The following MDGA2 variants were observed in gnomAD, a reference collection of about 807,000 sequenced individuals.
MDGA2 encodes the protein MAM domain containing glycosylphosphatidylinositol anchor 2.
Under a neutral mutation model 117.8 loss-of-function variants are expected in MDGA2, and 40 were observed. The ratio of observed to expected loss-of-function variants is 0.34; its 90% CI spans 0.26 to 0.44. MDGA2 has a LOEUF of 0.44. MDGA2 is among the 20% of genes least tolerant of loss of function. MDGA2 has a pLI of 1.00. For synonymous variants in MDGA2, 452 were observed against 439.0 expected (o/e 1.03, Z -0.37); for missense variants, 1,123 against 1,250.6 (o/e 0.90, Z 1.54).
chr14:47,438,672 A>G (rs570121027), intron 1 of MDGA2, among the ~76,000 whole-genome samples: 51 of 152,272 alleles, frequency 3.3e-4, no homozygotes, highest in Admixed American at 5.2e-4. Flanking sequence ...AAATGTCAGC[A>G]ATGCAAAAAG....
chr14:46,893,011 C>T (rs117000924), intron 10 of MDGA2, among the ~76,000 whole-genome samples: 1 of 151,840 alleles, frequency 6.6e-6, no homozygotes, highest in Non-Finnish European at 1.5e-5. Flanking sequence ...TAGATACCTA[C>T]CCAGAAGAAA....
rs538786860 is a variant in MDGA2 at position 47,643,104 on chromosome 14, A to G, written c.280+31413T>C. 7.2e-5 allele frequency among the ~76,000 whole-genome samples: 11 copies of G among 152,238 alleles called. 2 individuals are homozygous for G. The highest frequency in any genetic ancestry group is 2.4e-4 in the African/African-American group (10 of 41,578). On this transcript the variant is annotated intron_variant, in intron 1 of 16. Coordinates refer to ENST00000399232, the MANE Select transcript of MDGA2 (RefSeq NM_001113498.3). ...CTGTTGTTATTCTGGATAAATCACA[A>G]TGATTATATTCCTTCCTTATACTAA...
chr14:47,293,287 A>C (rs1043118013), intron 2 of MDGA2, among the ~76,000 whole-genome samples: 1 of 152,166 alleles, frequency 6.6e-6, no homozygotes, highest in Non-Finnish European at 1.5e-5. Context: ...AGTCCTCATG[A>C]TGTTTAAATT....
At chr14:47,222,578 T>TA (rs1317151812) in intron 2 of MDGA2, among the ~76,000 whole-genome samples, 3 of 151,896 alleles carry the variant, frequency 2.0e-5, no homozygotes, top group Non-Finnish European at 2.9e-5. Context: ...CAGGACAAAC[T>TA]AAAAAAATAC....
At chr14:47,666,614 C>A (rs548179315) in intron 1 of MDGA2, among the ~76,000 whole-genome samples, 1 of 152,130 alleles carries the variant, frequency 6.6e-6, no homozygotes, top group African/African-American at 2.4e-5. Flanking sequence ...ACAGACCAAT[C>A]GGCTCTCTGT....
chr14:47,044,278 A>C (rs1031817453), intron 7 of MDGA2, among the ~76,000 whole-genome samples: 1 of 152,174 alleles, frequency 6.6e-6, no homozygotes, highest in Non-Finnish European at 1.5e-5. Flanking sequence ...CCAAAAAACA[A>C]TAGATTTTTA....
chr14:46,975,789 A>C (rs561009075), intron 8 of MDGA2, among the ~76,000 whole-genome samples: 255 of 152,210 alleles, frequency 1.7e-3, no homozygotes, highest in African/African-American at 5.7e-3. Context: ...AGGGAAGTTC[A>C]AGATCAGGAA....
At chr14:47,456,112 A>G (rs1001932202) in intron 1 of MDGA2, among the ~76,000 whole-genome samples, 2 of 152,156 alleles carry the variant, frequency 1.3e-5, no homozygotes, top group Non-Finnish European at 2.9e-5. Context: ...AGTTTGTAAC[A>G]AGCATTGTAA....
At chr14:46,904,357 C>CA (rs5808366) in intron 10 of MDGA2, among the ~76,000 whole-genome samples, 1,387 of 73,120 alleles carry the variant, frequency 0.019, 16 homozygotes, top group East Asian at 0.047. Context: ...GACTCTGTCT[C>CA]AAAAAAAAAA....
At chr14:47,092,288 T>G (rs1044430232) in intron 6 of MDGA2, among the ~76,000 whole-genome samples, 1 of 152,168 alleles carries the variant, frequency 6.6e-6, no homozygotes, top group African/African-American at 2.4e-5. Flanking sequence ...AAAATTCCTC[T>G]AATCCTTCTA....
At chr14:47,449,372 C>A (rs548397005) in intron 1 of MDGA2, among the ~76,000 whole-genome samples, 1 of 152,218 alleles carries the variant, frequency 6.6e-6, no homozygotes, top group Non-Finnish European at 1.5e-5. Flanking sequence ...ATTAGACTCA[C>A]CTCTACTATA....
At chr14:47,108,408 G>C (rs905594210) in intron 5 of MDGA2, among the ~76,000 whole-genome samples, 9 of 152,228 alleles carry the variant, frequency 5.9e-5, no homozygotes, top group South Asian at 2.1e-4. Context: ...AATCACAGAA[G>C]AAGTGAATAT....
At chr14:46,846,053 CT>C (rs1214803298) in intron 15 of MDGA2, among the ~76,000 whole-genome samples, 182 bp from the exon 16 acceptor site, 2 of 152,186 alleles carry the variant, frequency 1.3e-5, no homozygotes, top group East Asian at 3.9e-4. Context: ...GTAATTGAAT[CT>C]TCCTTGCATT....
intron 1 of MDGA2, among the ~76,000 whole-genome samples, chr14:47,631,564 C>T (rs1050293746): frequency 2.0e-5 from 3 of 152,216 alleles, no homozygotes; most frequent in African/African-American, 7.2e-5. Context: ...GCCACTCATA[C>T]ATTACCCTGT....
Position 47,058,989 on chromosome 14 carries a change from G to A in MDGA2, c.1525+2260C>T, listed in dbSNP as rs1173430253. 4 of 988,596 alleles carry A rather than the reference G, an allele frequency of 4.0e-6. No homozygotes were observed. In the African/African-American group the frequency reaches 7.0e-5, roughly 17 times the overall value. The allele number at this position is 988,596 out of a possible 1,614,324, so 61.2% of individuals were successfully genotyped here. ...ACTGGACACCACAAATTGAGGAGCTGCTCCTGTCTTTGGGAGTGATAAAAC... is the reference window on the plus strand; with the variant it reads ...ACTGGACACCACAAATTGAGGAGCTACTCCTGTCTTTGGGAGTGATAAAAC... On this transcript the variant is annotated intron_variant, in intron 7 of 16. Transcript: ENST00000399232.
intron 1 of MDGA2, among the ~76,000 whole-genome samples, chr14:47,367,837 A>G (rs778486590): frequency 2.0e-5 from 3 of 152,200 alleles, no homozygotes; most frequent in Non-Finnish European, 2.9e-5. Flanking sequence ...AAATAAGATT[A>G]TCTATTACTA....
rs909382578 is a variant in MDGA2 at position 46,967,547 on chromosome 14, C to T, written c.1820-9904G>A. On this transcript the variant is annotated intron_variant, in intron 8 of 16. Coordinates refer to ENST00000399232, the MANE Select transcript of MDGA2 (RefSeq NM_001113498.3). ...ATGACAACCTCTCTCTCCATGAACA[C>T]ATAGAAGTGTTGGCAGGGTGGTGTG... Among the ~76,000 whole-genome samples the T allele has an allele frequency of 4.6e-5, 7 of 152,272 alleles. 1 individual carries two copies. In the Middle Eastern group the frequency reaches 0.01, roughly 222 times the overall value.
At chr14:47,504,479 G>A (rs925216991) in intron 1 of MDGA2, among the ~76,000 whole-genome samples, 1 of 152,020 alleles carries the variant, frequency 6.6e-6, no homozygotes, top group African/African-American at 2.4e-5. Context: ...GTACAAAAAT[G>A]ATGTCTGACT....
At chr14:47,548,287 A>G (rs1895503853) in intron 1 of MDGA2, among the ~76,000 whole-genome samples, 1 of 152,092 alleles carries the variant, frequency 6.6e-6, no homozygotes, top group Non-Finnish European at 1.5e-5. Flanking sequence ...CTTCCTCAAG[A>G]ATAGTTTGTT....
Sources: allele counts gnomAD v4.1 joint callset (sites outside exome capture counted in the v4.1 genomes callset), GRCh38; gene constraint gnomAD v4.1.1; transcripts MANE v1.5; gene names NCBI Gene and HGNC (gene_info 2026-07-23, HGNC 2026-07-21).